The following RAB38 variants were observed in gnomAD, a reference collection of about 807,000 sequenced individuals.
RAB38 encodes ras-related protein Rab-38.
Under a neutral mutation model 18.4 loss-of-function variants are expected in RAB38, and 15 were observed. That is an observed-to-expected ratio of 0.82 (90% CI 0.55 to 1.26). RAB38 has a LOEUF of 1.26. Ranked by LOEUF, RAB38 falls within the 50% of genes most tolerant of loss-of-function variation. The pLI, the probability that RAB38 is intolerant of heterozygous loss-of-function variation, is 0.00. For synonymous variants in RAB38, 101 were observed against 104.4 expected (o/e 0.97, Z 0.20); for missense variants, 294 against 267.4 (o/e 1.10, Z -0.69).
intron 2 of RAB38, among the ~76,000 whole-genome samples, chr11:88,127,487 G>T (rs528375153): frequency 6.6e-6 from 1 of 152,306 alleles, no homozygotes; most frequent in East Asian, 1.9e-4. Context: ...TCTGGAAATA[G>T]TGGTGGTATA....
chr11:88,011,195 CTG>C, the RAB38 span, among the ~76,000 whole-genome samples: 1 of 152,092 alleles, frequency 6.6e-6, no homozygotes, highest in African/African-American at 2.4e-5. Context: ...GTGTAAGACA[CTG>C]TATTAAAAGC....
the RAB38 span, among the ~76,000 whole-genome samples, chr11:88,073,725 T>C: frequency 6.6e-6 from 1 of 151,802 alleles, no homozygotes; most frequent in Non-Finnish European, 1.5e-5. Flanking sequence ...GTGAGCTTTC[T>C]GACAAAAAAT....
the RAB38 span, among the ~76,000 whole-genome samples, chr11:87,959,484 G>T: frequency 6.6e-6 from 1 of 152,116 alleles, no homozygotes; most frequent in Non-Finnish European, 1.5e-5. Context: ...GTTAGCATTT[G>T]TGGAATAATT....
the RAB38 span, among the ~76,000 whole-genome samples, chr11:87,833,076 T>C: frequency 6.6e-6 from 1 of 152,164 alleles, no homozygotes; most frequent in Non-Finnish European, 1.5e-5. Flanking sequence ...TTTATCTGCT[T>C]TTGTTCTTGC....
the RAB38 span, among the ~76,000 whole-genome samples, chr11:88,045,069 C>A: frequency 2.0e-5 from 3 of 152,170 alleles, no homozygotes; most frequent in Non-Finnish European, 2.9e-5. Context: ...AGCATTTAGG[C>A]TCTTTTTCAT....
chr11:87,910,494 G>T, the RAB38 span, among the ~76,000 whole-genome samples: 1,030 of 151,400 alleles, frequency 6.8e-3, 11 homozygotes, highest in African/African-American at 0.024. Flanking sequence ...ATTCTTTTAT[G>T]AATTCTGCTT....
At chr11:88,036,009 A>C in the RAB38 span, among the ~76,000 whole-genome samples, 2 of 152,154 alleles carry the variant, frequency 1.3e-5, no homozygotes, top group African/African-American at 4.8e-5. Flanking sequence ...AATTAAATTA[A>C]AATTAAAATC....
the RAB38 span, among the ~76,000 whole-genome samples, chr11:88,032,166 T>A: frequency 6.6e-6 from 1 of 152,030 alleles, no homozygotes; most frequent in Admixed American, 6.6e-5. Context: ...CTGGGAAAAC[T>A]GGCTAGCCAT....
At chr11:87,872,327 A>G in the RAB38 span, among the ~76,000 whole-genome samples, 11 of 151,568 alleles carry the variant, frequency 7.3e-5, no homozygotes, top group Admixed American at 1.3e-4. Flanking sequence ...GTACACAACA[A>G]TTGAGTGGAA....
the RAB38 span, among the ~76,000 whole-genome samples, chr11:88,093,521 C>G: frequency 6.6e-6 from 1 of 151,914 alleles, no homozygotes; most frequent in South Asian, 2.1e-4. Context: ...CAATTTTATA[C>G]TCTCATAACC....
chr11:88,079,851 A>C, the RAB38 span, among the ~76,000 whole-genome samples: 1 of 151,844 alleles, frequency 6.6e-6, no homozygotes, highest in Non-Finnish European at 1.5e-5. Context: ...ATTCTCATTT[A>C]AGATAAAAAC....
At chr11:87,835,359 G>A in the RAB38 span, among the ~76,000 whole-genome samples, 6 of 152,042 alleles carry the variant, frequency 3.9e-5, no homozygotes, top group Admixed American at 6.6e-5. Context: ...TCTGGATCTC[G>A]GATGTTGTAG....
chr11:88,014,944 A>G, the RAB38 span, among the ~76,000 whole-genome samples: 1 of 152,280 alleles, frequency 6.6e-6, no homozygotes, highest in East Asian at 1.9e-4. Flanking sequence ...AGTTGTGGAG[A>G]CACAACATCC....
chr11:87,817,855 A>T, the RAB38 span, among the ~76,000 whole-genome samples: 1 of 152,144 alleles, frequency 6.6e-6, no homozygotes, highest in African/African-American at 2.4e-5. Flanking sequence ...AATGCAGTCG[A>T]GGCAAAAAGA....
At chr11:88,131,281 A>G (rs1942764831) in intron 2 of RAB38, among the ~76,000 whole-genome samples, 1 of 152,206 alleles carries the variant, frequency 6.6e-6, no homozygotes, top group African/African-American at 2.4e-5. Flanking sequence ...CAATGTTAGC[A>G]GTGATTAATC....
At chr11:87,969,057 A>G in the RAB38 span, among the ~76,000 whole-genome samples, 1 of 152,142 alleles carries the variant, frequency 6.6e-6, no homozygotes, top group Admixed American at 6.6e-5. Context: ...ATCTAAGGGT[A>G]TGTGTTAATC....
chr11:87,954,377 C>T, the RAB38 span, among the ~76,000 whole-genome samples: 2,333 of 152,114 alleles, frequency 0.015, 53 homozygotes, highest in African/African-American at 0.054. Flanking sequence ...GGAAATGTTC[C>T]AGATAAAGAC....
the RAB38 span, among the ~76,000 whole-genome samples, chr11:88,103,912 T>C: frequency 2.0e-5 from 3 of 152,104 alleles, no homozygotes; most frequent in African/African-American, 7.2e-5. Context: ...GTGTCCTTCC[T>C]TACCAGCAGC....
the RAB38 span, among the ~76,000 whole-genome samples, chr11:87,940,936 A>G: frequency 2.0e-5 from 3 of 151,744 alleles, no homozygotes; most frequent in East Asian, 5.8e-4. Flanking sequence ...CCAGCCCAGA[A>G]GGGTTATACA....
Sources: gnomAD v4.1 joint callset for allele counts (sites outside exome capture counted in the v4.1 genomes callset) on GRCh38, gnomAD v4.1.1 for gene constraint, MANE v1.5 for transcripts, NCBI Gene and HGNC (gene_info 2026-07-23, HGNC 2026-07-21) for gene names.